Variants in CDH13 observed in about 807,000 individuals in gnomAD.
CDH13 encodes cadherin-13.
CDH13 carries 24 observed loss-of-function variants against 63.8 expected under a neutral mutation model. That is an observed-to-expected ratio of 0.38 (90% CI 0.27 to 0.53). CDH13 has a LOEUF of 0.53. Among genes scored for constraint, CDH13 ranks in the 20% least tolerant of loss-of-function variants. The probability of loss-of-function intolerance (pLI) is 0.85; values close to 1 mark genes in which losing one functional copy is unlikely to be tolerated. For synonymous variants in CDH13, 503 were observed against 355.3 expected (o/e 1.42, Z -4.67); for missense variants, 1,049 against 903.1 (o/e 1.16, Z -2.07).
intron 6 of CDH13, chr16:83,397,937 C>A (rs145375779): frequency 1.3e-5 from 2 of 152,184 alleles, no homozygotes; most frequent in Non-Finnish European, 2.9e-5. Flanking sequence ...TGCTGGGAGA[C>A]GCTAGTCTTG....
intron 2 of CDH13, among the ~76,000 whole-genome samples, chr16:82,996,944 G>T (rs980512826): frequency 3.4e-5 from 4 of 116,782 alleles, no homozygotes; most frequent in Middle Eastern, 4.5e-3. Flanking sequence ...TTACGATGGT[G>T]TTGTTGATGA....
intron 4 of CDH13, among the ~76,000 whole-genome samples, chr16:83,129,509 G>C (rs1197207149): frequency 2.6e-5 from 4 of 152,154 alleles, no homozygotes; most frequent in African/African-American, 9.7e-5. Flanking sequence ...TACCCCTGTG[G>C]GTGACTGGAT....
chr16:83,219,125 C>T (rs964090542), intron 5 of CDH13, among the ~76,000 whole-genome samples: 12 of 152,054 alleles, frequency 7.9e-5, no homozygotes, highest in African/African-American at 2.7e-4. Flanking sequence ...AGTGCTGCTG[C>T]GTACTGAGCT....
At chr16:83,643,339 G>A (rs1911488637) in intron 8 of CDH13, among the ~76,000 whole-genome samples, 1 of 149,292 alleles carries the variant, frequency 6.7e-6, no homozygotes, top group Non-Finnish European at 1.5e-5. Flanking sequence ...ACACACCTGA[G>A]AGAGGACTAT....
chr16:83,584,273 G>A (rs1286862016), intron 7 of CDH13, among the ~76,000 whole-genome samples: 1 of 152,202 alleles, frequency 6.6e-6, no homozygotes, highest in Non-Finnish European at 1.5e-5. Context: ...AGCTTGCAGT[G>A]AGCTGAGATC....
At chr16:83,077,434 C>T (rs1227273159) in intron 3 of CDH13, among the ~76,000 whole-genome samples, 3 of 151,976 alleles carry the variant, frequency 2.0e-5, no homozygotes, top group Non-Finnish European at 4.4e-5. Context: ...CTCAAGTGAT[C>T]TGCCCACTTT....
At chr16:83,082,641 C>A (rs2033333193) in intron 3 of CDH13, among the ~76,000 whole-genome samples, 1 of 152,008 alleles carries the variant, frequency 6.6e-6, no homozygotes, top group East Asian at 1.9e-4. Flanking sequence ...AAGACTGTCT[C>A]AACAACAACA....
intron 2 of CDH13, among the ~76,000 whole-genome samples, chr16:82,887,312 C>G (rs1256972856): frequency 6.6e-6 from 1 of 152,036 alleles, no homozygotes; most frequent in African/African-American, 2.4e-5. Context: ...GATTCCTGGT[C>G]TAAATGAGAG....
intron 2 of CDH13, among the ~76,000 whole-genome samples, chr16:82,909,252 A>ATATGTGTGTG (rs1428605467): frequency 8.2e-5 from 12 of 146,948 alleles, no homozygotes; most frequent in Middle Eastern, 3.5e-3. Context: ...CTGACTGTAT[A>ATATGTGTGTG]TGTGTGTGTG....
chr16:83,063,740 A>C (rs1156533758), intron 3 of CDH13, among the ~76,000 whole-genome samples: 1 of 152,366 alleles, frequency 6.6e-6, no homozygotes, highest in Admixed American at 6.5e-5. Flanking sequence ...CAAAAGTTCA[A>C]AATGAGTTTC....
At chr16:82,911,474 A>G (rs1000690338) in intron 2 of CDH13, among the ~76,000 whole-genome samples, 6 of 152,108 alleles carry the variant, frequency 3.9e-5, no homozygotes, top group Non-Finnish European at 5.9e-5. Flanking sequence ...CTACATACGG[A>G]ATCTTGATGT....
At chr16:83,090,245 A>G (rs2033826585) in intron 3 of CDH13, among the ~76,000 whole-genome samples, 1 of 152,110 alleles carries the variant, frequency 6.6e-6, no homozygotes, top group African/African-American at 2.4e-5. Context: ...TCCCTGGTTC[A>G]GACCATCCCA....
chr16:82,981,742 C>G (rs1282425174), intron 2 of CDH13, among the ~76,000 whole-genome samples: 2 of 152,186 alleles, frequency 1.3e-5, no homozygotes, highest in East Asian at 3.8e-4. Flanking sequence ...ACATGGGATG[C>G]TCACATTCAG....
chr16:82,994,227 C>T (rs748434087), intron 2 of CDH13, among the ~76,000 whole-genome samples: 4 of 152,174 alleles, frequency 2.6e-5, no homozygotes, highest in Non-Finnish European at 5.9e-5. Flanking sequence ...CACTCACTGG[C>T]TTAGCTTTTC....
At chr16:82,781,795 A>G (rs1484628443) in intron 1 of CDH13, among the ~76,000 whole-genome samples, 1 of 152,250 alleles carries the variant, frequency 6.6e-6, no homozygotes, top group Non-Finnish European at 1.5e-5. Flanking sequence ...ATAAAGAGAC[A>G]TATAAGTCGC....
intron 7 of CDH13, among the ~76,000 whole-genome samples, chr16:83,489,009 C>T (rs973575431): frequency 6.6e-6 from 1 of 152,180 alleles, no homozygotes; most frequent in East Asian, 1.9e-4. Context: ...CCCCACTTGA[C>T]ACGTGTGTGC....
chr16:83,456,791 G>A (rs1045070731), intron 6 of CDH13, among the ~76,000 whole-genome samples: 24 of 152,042 alleles, frequency 1.6e-4, no homozygotes, highest in African/African-American at 4.8e-4. Flanking sequence ...GCAAAACCCC[G>A]TCTCTACTAA....
intron 7 of CDH13, 127 bp from the exon 8 acceptor site, chr16:83,602,327 C>T: frequency 1.1e-6 from 1 of 897,114 alleles, no homozygotes; most frequent in Non-Finnish European, 1.9e-6. Flanking sequence ...AATGTTATCA[C>T]TCTTTAAAGA....
chr16:83,779,859 A>T, intron 11 of CDH13, 109 bp from the exon 12 acceptor site: 1 of 758,168 alleles, frequency 1.3e-6, no homozygotes, highest in South Asian at 1.9e-5. Flanking sequence ...CCCTGTCTCA[A>T]AAAATAAAAT....
Sources: gnomAD v4.1 joint callset for allele counts (sites outside exome capture counted in the v4.1 genomes callset) on GRCh38, gnomAD v4.1.1 for gene constraint, MANE v1.5 for transcripts, NCBI Gene and HGNC (gene_info 2026-07-23, HGNC 2026-07-21) for gene names.